Variants in CORO1C observed in about 807,000 individuals in gnomAD.
CORO1C encodes coronin-1C.
Under a neutral mutation model 51.2 loss-of-function variants are expected in CORO1C, and 14 were observed. The observed-to-expected ratio is 0.27, with a 90% CI of 0.18 to 0.43. The LOEUF is 0.43. Among genes scored for constraint, CORO1C ranks in the 20% least tolerant of loss-of-function variants. The pLI, the probability that CORO1C is intolerant of heterozygous loss-of-function variation, is 1.00. For missense variants in CORO1C, 417 were observed against 607.8 expected (o/e 0.69, Z 3.30); for synonymous variants, 181 against 210.5 (o/e 0.86, Z 1.21).
chr12:108,692,510 G>A (rs1592913179), intron 2 of CORO1C, among the ~76,000 whole-genome samples: 1 of 152,332 alleles, frequency 6.6e-6, no homozygotes, highest in Admixed American at 6.5e-5. Flanking sequence ...ACACAGAAAA[G>A]CACTGTCAGG....
intron 3 of CORO1C, chr12:108,668,633 A>C (rs2033590104): frequency 6.6e-6 from 1 of 152,216 alleles, no homozygotes; most frequent in Non-Finnish European, 1.5e-5. Context: ...AGCGTCCTTT[A>C]AACTTAAAAA....
intron 5 of CORO1C, 144 bp from the exon 6 acceptor site, chr12:108,657,567 T>C: frequency 1.3e-6 from 1 of 763,452 alleles, no homozygotes. Context: ...CCATCCCCCT[T>C]CCCCAGATGA....
rs1011536969 is a variant in CORO1C, at chr12:108,646,779, C to G, written c.*624G>C. 11 of 152,424 alleles carry G rather than the reference C, an allele frequency of 7.2e-5. No homozygotes were observed. The highest frequency in any genetic ancestry group is 2.7e-4 in the African/African-American group (11 of 41,386). The allele number at this position is 152,424 out of a possible 1,614,324, so 9.4% of individuals were successfully genotyped here. ...CCTGTTGTACAGTCATCAAAATGACCAGGTTTGTGCTGCAAAGGAGCCAGC... is the reference window on the plus strand; with the variant it reads ...CCTGTTGTACAGTCATCAAAATGACGAGGTTTGTGCTGCAAAGGAGCCAGC... On this transcript the variant is annotated 3_prime_UTR_variant, in exon 11 of 11. Coordinates refer to ENST00000261401, the MANE Select transcript of CORO1C (RefSeq NM_014325.4).
At chr12:108,726,124 C>T (rs535764331) in intron 1 of CORO1C, among the ~76,000 whole-genome samples, 33 of 152,272 alleles carry the variant, frequency 2.2e-4, no homozygotes, top group African/African-American at 7.7e-4. Context: ...TGAGCCACCA[C>T]GCCCGGCATG....
intron 1 of CORO1C, among the ~76,000 whole-genome samples, chr12:108,723,262 G>C (rs2035515950): frequency 6.6e-6 from 1 of 152,196 alleles, no homozygotes; most frequent in South Asian, 2.1e-4. Context: ...AGCCACATTT[G>C]AGTTTTTATG....
chr12:108,688,931 T>C (rs549212179), intron 2 of CORO1C, among the ~76,000 whole-genome samples: 554 of 151,360 alleles, frequency 3.7e-3, no homozygotes, highest in Non-Finnish European at 5.7e-3. Flanking sequence ...TCGGGAGGGC[T>C]GAGGCAGGAG....
chr12:108,646,670 A>G lies in CORO1C; in HGVS notation c.*733T>C, dbSNP rs138785128. 1 of 152,346 alleles carries G rather than the reference A, an allele frequency of 6.6e-6. No individual in the cohort carries two copies. The highest frequency in any genetic ancestry group is 2.4e-5 in the African/African-American group (1 of 41,572). 9.4% of individuals were successfully genotyped at this position (152,346 alleles called of 1,614,324 possible). On this transcript the variant is annotated 3_prime_UTR_variant, in exon 11 of 11. Transcript: ENST00000261401. ...TCTAGAAAAGAGAAAGGAAAAGAAG[A>G]AATACGACGTGAGCTTTTTTGATCA...
intron 3 of CORO1C, among the ~76,000 whole-genome samples, chr12:108,672,103 G>C (rs2033742806): frequency 6.6e-6 from 1 of 152,118 alleles, no homozygotes; most frequent in African/African-American, 2.4e-5. Flanking sequence ...CAAGTAAAAA[G>C]ATCACAGATA....
chr12:108,692,794 CTTT>C (rs11447073), intron 2 of CORO1C, among the ~76,000 whole-genome samples: 5 of 111,670 alleles, frequency 4.5e-5, no homozygotes, highest in Admixed American at 1.0e-4. Context: ...TAGACCACAG[CTTT>C]TTTTTTTTTT....
chr12:108,720,250 C>T (rs1749575699), intron 1 of CORO1C, among the ~76,000 whole-genome samples: 1 of 152,072 alleles, frequency 6.6e-6, no homozygotes, highest in Non-Finnish European at 1.5e-5. Flanking sequence ...TAAAATACAG[C>T]CATAAGAAAC....
rs2035536387 is a variant in CORO1C, at chr12:108,724,211, TCC to T, written c.-6+7216_-6+7217del. Among the ~76,000 whole-genome samples, 8 of 152,112 alleles carry T rather than the reference TCC, an allele frequency of 5.3e-5. No homozygotes were observed. The East Asian group carries it at 1.5e-3, about 29-fold the overall frequency. ...ACTGTGGTGATTAACTGAAGAAAAC[TCC>T]GTGAATAGGCTTGGTTTGCAGATCT... On this transcript the variant is annotated intron_variant, in intron 1 of 10. Coordinates refer to ENST00000261401, the MANE Select transcript of CORO1C (RefSeq NM_014325.4).
intron 2 of CORO1C, among the ~76,000 whole-genome samples, chr12:108,692,273 C>T (rs187339189): frequency 1.1e-3 from 171 of 152,296 alleles, no homozygotes; most frequent in Middle Eastern, 0.01. Context: ...GGGCATCCCA[C>T]GACATGTCAG....
chr12:108,691,721 C>A (rs1295929015), intron 2 of CORO1C, among the ~76,000 whole-genome samples: 4 of 152,208 alleles, frequency 2.6e-5, no homozygotes, highest in South Asian at 2.1e-4. Flanking sequence ...ATGGTAAAAA[C>A]CACTGTCAGA....
At chr12:108,703,471 G>A (rs2034936761) in intron 1 of CORO1C, among the ~76,000 whole-genome samples, 1 of 152,196 alleles carries the variant, frequency 6.6e-6, no homozygotes, top group African/African-American at 2.4e-5. Flanking sequence ...GAGAGCAAAT[G>A]TGACAATAAA....
intron 1 of CORO1C, among the ~76,000 whole-genome samples, chr12:108,705,237 G>C (rs1223482944): frequency 2.0e-5 from 3 of 152,068 alleles, no homozygotes; most frequent in Non-Finnish European, 4.4e-5. Flanking sequence ...CCCACACTTT[G>C]GGAGGCCGAG....
intron 1 of CORO1C, among the ~76,000 whole-genome samples, chr12:108,710,647 C>T (rs900688683): frequency 4.6e-5 from 7 of 151,908 alleles, no homozygotes; most frequent in Middle Eastern, 3.2e-3. Context: ...TCACTGCAAC[C>T]TCCACCTCCC....
intron 2 of CORO1C, among the ~76,000 whole-genome samples, chr12:108,679,109 C>CAAAAAAAAAAAAAAAAAAAAAAAAAAA (rs1183326267): frequency 4.5e-5 from 1 of 22,152 alleles, no homozygotes. Flanking sequence ...GACTCTGTCT[C>CAAAAAAAAAAAAAAAAAAAAAAAAAAA]AAAAAAAAAA....
chr12:108,706,908 C>T (rs1169183901), intron 1 of CORO1C, among the ~76,000 whole-genome samples: 1 of 152,054 alleles, frequency 6.6e-6, no homozygotes, highest in African/African-American at 2.4e-5. Context: ...TCATAACAAA[C>T]AATCCAAAAG....
chr12:108,686,967 T>A (rs1197594848), intron 2 of CORO1C, among the ~76,000 whole-genome samples: 1 of 152,146 alleles, frequency 6.6e-6, no homozygotes, highest in Non-Finnish European at 1.5e-5. Context: ...AAGGGTGATG[T>A]CTTATGAGCA....
Sources: allele counts gnomAD v4.1 joint callset (sites outside exome capture counted in the v4.1 genomes callset), GRCh38; gene constraint gnomAD v4.1.1; transcripts MANE v1.5; gene names NCBI Gene and HGNC (gene_info 2026-07-23, HGNC 2026-07-21).